Variants in POPDC1 observed in about 807,000 individuals in gnomAD.
POPDC1 encodes the protein popeye domain cAMP effector 1.
chr6:105,116,445 A>T, the POPDC1 span, among the ~76,000 whole-genome samples: 2 of 151,974 alleles, frequency 1.3e-5, no homozygotes, highest in Admixed American at 1.3e-4. Flanking sequence ...TTACTCCTTT[A>T]CCATCTTCCT....
chr6:105,122,626 C>T, the POPDC1 span, among the ~76,000 whole-genome samples: 4 of 152,190 alleles, frequency 2.6e-5, no homozygotes, highest in Admixed American at 6.5e-5. Flanking sequence ...CACAAAACCA[C>T]CTGCTACTAT....
the POPDC1 span, among the ~76,000 whole-genome samples, chr6:105,126,304 T>A: frequency 3.3e-5 from 5 of 151,430 alleles, no homozygotes; most frequent in Admixed American, 3.3e-4. Context: ...AAAAAATTAG[T>A]ACCTATAGTC....
the POPDC1 span, among the ~76,000 whole-genome samples, chr6:105,127,739 T>C: frequency 0.059 from 8,909 of 151,966 alleles, 433 homozygotes; most frequent in African/African-American, 0.13. Flanking sequence ...CCCAGCCTCA[T>C]GAAGCCCTCT....
chr6:105,132,246 G>GT, the POPDC1 span, among the ~76,000 whole-genome samples: 1 of 152,192 alleles, frequency 6.6e-6, no homozygotes. Flanking sequence ...GATTACAGGC[G>GT]TAAGCCACTG....
the POPDC1 span, among the ~76,000 whole-genome samples, chr6:105,132,091 G>A: frequency 1.8e-3 from 267 of 150,848 alleles, no homozygotes; most frequent in African/African-American, 6.3e-3. Flanking sequence ...TCAGCCTCCC[G>A]AGTAGTTGGG....
the POPDC1 span, among the ~76,000 whole-genome samples, chr6:105,111,237 C>A: frequency 1.6e-4 from 25 of 152,172 alleles, no homozygotes; most frequent in African/African-American, 6.0e-4. Context: ...AAATACAGTT[C>A]TGTAACATTC....
the POPDC1 span, among the ~76,000 whole-genome samples, chr6:105,128,598 C>G: frequency 6.6e-6 from 1 of 152,138 alleles, no homozygotes; most frequent in Admixed American, 6.5e-5. Flanking sequence ...CAGACTGACT[C>G]ACTATGTTTA....
the POPDC1 span, among the ~76,000 whole-genome samples, chr6:105,127,765 CTT>C: frequency 1.4e-5 from 2 of 145,796 alleles, no homozygotes; most frequent in Non-Finnish European, 1.5e-5. Flanking sequence ...CTTTTCCTCT[CTT>C]TTTTTTTTTT....
At chr6:105,100,280 T>G in the POPDC1 span, 1 of 151,280 alleles carries the variant, frequency 6.6e-6, no homozygotes, top group South Asian at 2.1e-4. Flanking sequence ...GAGGCCAAGG[T>G]GGGCGGATCA....
chr6:105,125,559 A>C, the POPDC1 span: 1 of 1,613,978 alleles, frequency 6.2e-7, no homozygotes, highest in Non-Finnish European at 8.5e-7. Context: ...CATGCCACTG[A>C]GTTCCTTTTC....
the POPDC1 span, among the ~76,000 whole-genome samples, chr6:105,124,904 C>G: frequency 5.9e-5 from 9 of 152,146 alleles, no homozygotes; most frequent in Admixed American, 2.6e-4. Context: ...GCTCTTCTAA[C>G]AGAAGTGACC....
the POPDC1 span, among the ~76,000 whole-genome samples, chr6:105,125,805 G>A: frequency 1.3e-5 from 2 of 152,202 alleles, no homozygotes; most frequent in Non-Finnish European, 2.9e-5. Context: ...GTTCATGCCT[G>A]TAATTCTGGC....
chr6:105,124,593 G>A, the POPDC1 span: 4 of 1,612,872 alleles, frequency 2.5e-6, no homozygotes, highest in Non-Finnish European at 3.4e-6. Context: ...AAATTCAGGA[G>A]AATCTATAAA....
the POPDC1 span, among the ~76,000 whole-genome samples, chr6:105,124,385 C>CAA: frequency 0.011 from 864 of 81,552 alleles, 1 homozygote; most frequent in Non-Finnish European, 0.013. Flanking sequence ...CCGTCTCAAA[C>CAA]AAAAAAAAAA....
chr6:105,129,583 A>T, the POPDC1 span: 1 of 1,392,210 alleles, frequency 7.2e-7, no homozygotes, highest in Non-Finnish European at 9.8e-7. Context: ...TATCCTCTAT[A>T]TATACAGTAG....
At chr6:105,133,231 A>G in the POPDC1 span, 1 of 747,544 alleles carries the variant, frequency 1.3e-6, no homozygotes, top group South Asian at 1.9e-5. Context: ...ATTCATTAAC[A>G]AAGACTTACA....
the POPDC1 span, among the ~76,000 whole-genome samples, chr6:105,111,083 A>G: frequency 6.6e-6 from 1 of 152,336 alleles, no homozygotes; most frequent in Admixed American, 6.5e-5. Flanking sequence ...TTTAAAAACA[A>G]CATAATTATT....
chr6:105,130,054 T>C, the POPDC1 span, among the ~76,000 whole-genome samples: 1 of 152,068 alleles, frequency 6.6e-6, no homozygotes, highest in Non-Finnish European at 1.5e-5. Flanking sequence ...GTATTAAAAA[T>C]ATATAGGAAA....
At chr6:105,113,959 AAAAACAAAAAC>A in the POPDC1 span, among the ~76,000 whole-genome samples, 4 of 151,948 alleles carry the variant, frequency 2.6e-5, no homozygotes, top group South Asian at 2.1e-4. Context: ...CACACACAAA[AAAAACAAAAAC>A]AAAACAAAAA....
Sources: gnomAD v4.1 joint callset for allele counts (sites outside exome capture counted in the v4.1 genomes callset) on GRCh38, gnomAD v4.1.1 for gene constraint, MANE v1.5 for transcripts, NCBI Gene and HGNC (gene_info 2026-07-23, HGNC 2026-07-21) for gene names.